The following FSCN2 variants were observed in gnomAD, a reference collection of about 807,000 sequenced individuals.
The protein encoded by FSCN2 is fascin actin-bundling protein 2, retinal, also known as fascin-2.
Under a neutral mutation model 37.8 loss-of-function variants are expected in FSCN2, and 46 were observed. That is an observed-to-expected ratio of 1.22 (90% CI 0.96 to 1.56). The LOEUF is 1.56. Ranked by LOEUF, FSCN2 falls within the 40% of genes most tolerant of loss-of-function variation. The pLI, the probability that FSCN2 is intolerant of heterozygous loss-of-function variation, is 0.00. For synonymous variants in FSCN2, 351 were observed against 309.4 expected (o/e 1.13, Z -1.41); for missense variants, 844 against 730.4 (o/e 1.16, Z -1.79).
upstream of FSCN2, among the ~76,000 whole-genome samples, chr17:81,525,706 C>G (rs988354037): frequency 6.6e-6 from 1 of 152,156 alleles, no homozygotes; most frequent in Non-Finnish European, 1.5e-5. Flanking sequence ...GCCTGGGTGA[C>G]AGTGTGAGAC....
chr17:81,518,471 C>G, the FSCN2 span, among the ~76,000 whole-genome samples: 1 of 152,000 alleles, frequency 6.6e-6, no homozygotes. Context: ...AGTTCCCAGC[C>G]CTGGAGGAGG....
upstream of FSCN2, among the ~76,000 whole-genome samples, chr17:81,526,499 C>G (rs1298856182): frequency 7.2e-5 from 11 of 152,194 alleles, no homozygotes; most frequent in East Asian, 2.1e-3. Context: ...GGCACGGTAG[C>G]AAGTGCCTGT....
Position 81,528,998 on chromosome 17 carries a change from C to G in FSCN2, c.467C>G (p.Pro156Arg). 1 of 1,582,032 alleles carries G rather than the reference C, an allele frequency of 6.3e-7. No homozygotes were observed. The highest frequency in any genetic ancestry group is 8.6e-7 in the Non-Finnish European group (1 of 1,169,054). ...CGGCGGCGCTACGTGCACCTGTGCC[C>G]GCGGGAGGACGAGATGGCCGCAGAC... Reference protein sequence around the residue: ...VSRRRYVHLCPREDEMAADGD... With the variant: ...VSRRRYVHLCRREDEMAADGD... Residue 156 changes from proline (P) to arginine (R), a missense_variant, in exon 1 of 5, where the codon CCG (proline) becomes CGG (arginine). Transcript: ENST00000417245.
Position 81,536,694 on chromosome 17 carries a change from T to TC in FSCN2, c.1179dup (p.Cys394LeufsTer62). 1.2e-6 allele frequency: 2 copies of TC among 1,610,974 alleles called. No homozygotes were observed. Among genetic ancestry groups the TC allele is most frequent in the Non-Finnish European group, 8.5e-7 (1 of 1,179,456 alleles). The stretch of plus-strand genomic sequence containing the variant: ...GTGCTGCGCGGCCTGGACGGCTTCG[T>TC]CTGCCACCACCGCGGCTCCAACCAG... On this transcript the variant is annotated frameshift_variant, in exon 4 of 5. Coordinates refer to ENST00000417245, the MANE Select transcript of FSCN2 (RefSeq NM_012418.4). LOFTEE classifies it high-confidence loss of function.
intron 1 of FSCN2, among the ~76,000 whole-genome samples, chr17:81,534,234 C>CA (rs2032781407): frequency 6.6e-6 from 1 of 152,168 alleles, no homozygotes; most frequent in African/African-American, 2.4e-5. Flanking sequence ...CTCCCCTGGG[C>CA]ACAGCGTGGG....
intron 1 of FSCN2, among the ~76,000 whole-genome samples, chr17:81,532,233 G>T: frequency 7.7e-6 from 1 of 129,788 alleles, no homozygotes; most frequent in Non-Finnish European, 1.6e-5. Flanking sequence ...GATGATAATG[G>T]TGATGATGGT....
rs927448875 is a variant in FSCN2, at chr17:81,528,425, G to A, written c.-107G>A. ...GGGTTCGTGACGCCGGCTGGGTCTG[G>A]GGGCTGTGGGCCAGCCGAGCCGACC... On this transcript the variant is annotated 5_prime_UTR_variant, in exon 1 of 5. Coordinates refer to ENST00000417245, the MANE Select transcript of FSCN2 (RefSeq NM_012418.4). 1.2e-6 allele frequency: 1 copy of A among 803,188 alleles called. No homozygotes were observed. Among genetic ancestry groups the A allele is most frequent in the Non-Finnish European group, 2.0e-6 (1 of 502,786 alleles). 49.8% of individuals were successfully genotyped at this position (803,188 alleles called of 1,614,324 possible).
At chr17:81,516,317 A>C in the FSCN2 span, among the ~76,000 whole-genome samples, 5 of 152,274 alleles carry the variant, frequency 3.3e-5, no homozygotes, top group African/African-American at 7.2e-5. Context: ...GTTAGGGGAC[A>C]CTGGGAATAG....
chr17:81,532,525 T>C (rs1302048333), intron 1 of FSCN2, among the ~76,000 whole-genome samples: 1 of 146,612 alleles, frequency 6.8e-6, no homozygotes, highest in East Asian at 2.0e-4. Context: ...ACGATGGTGA[T>C]GATGATGATA....
In FSCN2 at chr17:81,536,181, GC is replaced by G; in HGVS notation, c.1021del (p.Arg341GlyfsTer3). The stretch of plus-strand genomic sequence containing the variant: ...ACCATGTTTGAGATGGAGTGGCGTG[GC>G]CGGCGGGTAGCACTCAAAGCCAGCA... ...ANTMFEMEWR[G>X]RRVALKASNG... On this transcript the variant is annotated frameshift_variant, in exon 3 of 5. Transcript: ENST00000417245. LOFTEE classifies it high-confidence loss of function. The G allele has an allele frequency of 6.2e-7, 1 of 1,601,746 alleles. No individual in the cohort carries two copies. Among genetic ancestry groups the G allele is most frequent in the South Asian group, 1.1e-5 (1 of 89,318 alleles).
chr17:81,520,449 T>C, the FSCN2 span, among the ~76,000 whole-genome samples: 1 of 152,338 alleles, frequency 6.6e-6, no homozygotes, highest in African/African-American at 2.4e-5. Flanking sequence ...AGGTTAACTG[T>C]GCCCAGCACC....
chr17:81,515,499 C>T, the FSCN2 span, among the ~76,000 whole-genome samples: 2 of 152,364 alleles, frequency 1.3e-5, no homozygotes, highest in Non-Finnish European at 2.9e-5. Context: ...GTTTTGATGG[C>T]TTTTTATCAT....
rs797029400 is a variant in FSCN2, at chr17:81,529,498, CAT to C, written c.826+142_826+143del. 31 of 823,354 alleles carry C rather than the reference CAT, an allele frequency of 3.8e-5. 1 individual carries two copies. The African/African-American group carries it at 4.3e-4, about 11-fold the overall frequency. The allele number at this position is 823,354 out of a possible 1,614,324, so 51.0% of individuals were successfully genotyped here. A position where few individuals can be genotyped will look rare whatever the true frequency, so the allele number is the denominator to read the frequency against. ...TTCTGGGCTGGGGGTCCATGTGGGACATGTGTGGCCACTCAGGGTGTAGGTGG... is the reference window on the plus strand; with the variant it reads ...TTCTGGGCTGGGGGTCCATGTGGGACGTGTGGCCACTCAGGGTGTAGGTGG... On this transcript the variant is annotated intron_variant, in intron 1 of 4. Transcript: ENST00000417245.
At chr17:81,518,939 GGACTCTGTCAGGGTACCC>G in the FSCN2 span, 1 of 152,296 alleles carries the variant, frequency 6.6e-6, no homozygotes, top group Non-Finnish European at 1.5e-5. Context: ...GGTCAAGCCC[GGACTCTGTCAGGGTACCC>G]GAGTCTTAGC....
At chr17:81,532,433 A>G (rs1481518424) in intron 1 of FSCN2, among the ~76,000 whole-genome samples, 929 of 25,510 alleles carry the variant, frequency 0.036, 4 homozygotes, top group Middle Eastern at 0.12. Context: ...TGGTGATGAT[A>G]ATGGTGATGA....
intron 1 of FSCN2, chr17:81,529,604 T>G (rs782427288): frequency 1.1e-5 from 8 of 731,758 alleles, no homozygotes; most frequent in Non-Finnish European, 2.0e-5. Flanking sequence ...TCCTGGCCTT[T>G]CTCAGCATAG....
intron 1 of FSCN2, among the ~76,000 whole-genome samples, chr17:81,531,666 A>ATAG (rs2032617373): frequency 2.9e-5 from 2 of 69,566 alleles, no homozygotes; most frequent in African/African-American, 1.2e-4. Flanking sequence ...GATGGTGATG[A>ATAG]TGATGGTGAT....
At chr17:81,525,153 C>T (rs570062018), upstream of FSCN2, among the ~76,000 whole-genome samples, 4 of 151,884 alleles carry the variant, frequency 2.6e-5, no homozygotes, top group Admixed American at 2.0e-4. Flanking sequence ...CGGCCAGGCA[C>T]GGTGGCTCAC....
chr17:81,532,437 G>GTGATGATGA (rs370696059), intron 1 of FSCN2, among the ~76,000 whole-genome samples: 3 of 114,670 alleles, frequency 2.6e-5, no homozygotes, highest in Admixed American at 8.2e-5. Context: ...GATGATAATG[G>GTGATGATGA]TGATGATGAT....
Sources: gnomAD v4.1 joint callset for allele counts (sites outside exome capture counted in the v4.1 genomes callset) on GRCh38, gnomAD v4.1.1 for gene constraint, MANE v1.5 for transcripts, NCBI Gene and HGNC (gene_info 2026-07-23, HGNC 2026-07-21) for gene names.